TGFBR2: variants seen among roughly 807,000 people sequenced by gnomAD.
TGFBR2 encodes the protein transforming growth factor beta receptor 2.
A neutral mutation model predicts 49.0 loss-of-function variants in TGFBR2; 18 were observed. That is an observed-to-expected ratio of 0.37 (90% CI 0.25 to 0.54). The LOEUF (loss-of-function observed/expected upper bound fraction) is 0.54, where lower values mean the gene tolerates loss of function less well. Ranked by LOEUF, TGFBR2 falls within the 20% of genes least tolerant of loss-of-function variation. The pLI, the probability that TGFBR2 is intolerant of heterozygous loss-of-function variation, is 0.85. For missense variants in TGFBR2, 525 were observed against 722.6 expected (o/e 0.73, Z 3.13); for synonymous variants, 282 against 275.9 (o/e 1.02, Z -0.22).
At chr3:30,637,363 C>G (rs1015478502) in intron 1 of TGFBR2, among the ~76,000 whole-genome samples, 2 of 152,182 alleles carry the variant, frequency 1.3e-5, no homozygotes, top group African/African-American at 2.4e-5. Context: ...CCTGTGACCT[C>G]CAAGTGAGGG....
chr3:30,619,963 G>A (rs986045177), intron 1 of TGFBR2, among the ~76,000 whole-genome samples: 19 of 57,988 alleles, frequency 3.3e-4, no homozygotes, highest in South Asian at 2.6e-3. Context: ...CGAGGCGGGC[G>A]GATCACGAAG....
intron 5 of TGFBR2, among the ~76,000 whole-genome samples, chr3:30,685,295 T>A (rs1699601627): frequency 6.6e-6 from 1 of 152,206 alleles, no homozygotes; most frequent in South Asian, 2.1e-4. Context: ...TAATTTCACC[T>A]TCACAAGAAG....
chr3:30,671,810 C>T lies in TGFBR2; in HGVS notation c.627C>T (p.Leu209=). 1 of 1,614,202 alleles carries T rather than the reference C, an allele frequency of 6.2e-7. No homozygotes were observed. The highest frequency in any genetic ancestry group is 8.5e-7 in the Non-Finnish European group (1 of 1,180,040). The change falls in exon 4 of 7, where the codon CTC becomes CTT. Residue 209 remains leucine, a synonymous_variant. Coordinates refer to ENST00000295754, the MANE Select transcript of TGFBR2 (RefSeq NM_003242.6). ...GGGAAACCGGCAAGACGCGGAAGCT[C>T]ATGGAGTTCAGCGAGCACTGTGCCA... is the stretch of plus-strand genomic sequence containing the variant. ...STWETGKTRK[L]MEFSEHCAII... is the part of the protein sequence containing the mutation.
intron 2 of TGFBR2, among the ~76,000 whole-genome samples, chr3:30,647,259 A>G (rs543914171): frequency 1.5e-4 from 23 of 152,312 alleles, no homozygotes; most frequent in Non-Finnish European, 3.1e-4. Context: ...TTTTGCCATA[A>G]TGTGGTACAT....
At chr3:30,671,607 T>G (rs1428920665) in intron 3 of TGFBR2, 31 bp from the exon 4 acceptor site, 2 of 1,612,886 alleles carry the variant, frequency 1.2e-6, no homozygotes, top group African/African-American at 1.3e-5. Flanking sequence ...CACATCCAAC[T>G]CCTTCTCTCC....
chr3:30,616,038 C>T (rs1179776817), intron 1 of TGFBR2, among the ~76,000 whole-genome samples: 1 of 152,136 alleles, frequency 6.6e-6, no homozygotes, highest in Admixed American at 6.6e-5. Flanking sequence ...CCACTGCACC[C>T]GGCCTGTATG....
chr3:30,613,968 A>AT (rs1698082255), intron 1 of TGFBR2, among the ~76,000 whole-genome samples: 1 of 152,116 alleles, frequency 6.6e-6, no homozygotes, highest in Admixed American at 6.6e-5. Context: ...TAATTGTACC[A>AT]TTTTTTCCCT....
intron 1 of TGFBR2, among the ~76,000 whole-genome samples, chr3:30,637,791 A>C (rs890481136): frequency 6.6e-6 from 1 of 152,210 alleles, no homozygotes; most frequent in Non-Finnish European, 1.5e-5. Context: ...TTAAAAAAAA[A>C]ACCTGTTTGT....
In TGFBR2 at chr3:30,676,097, G is replaced by A. The variant is rs1384835338; in HGVS notation, c.1396+1851G>A. Among the ~76,000 whole-genome samples, 2 of 152,170 alleles carry A rather than the reference G, an allele frequency of 1.3e-5. No homozygotes were observed. The highest frequency in any genetic ancestry group is 1.5e-5 in the Non-Finnish European group (1 of 68,032). ...TAATGTTTTCTCATGATTAGATTGA[G>A]ATTACATATTTTGGGCAAAATTACC... On this transcript the variant is annotated intron_variant, in intron 5 of 6. Coordinates refer to ENST00000295754, the MANE Select transcript of TGFBR2 (RefSeq NM_003242.6). This position sits in a 1 kb window ranked among gnomAD's most constrained non-coding sequence, Gnocchi z 4.3.
chr3:30,628,642 G>C (rs959986258), intron 1 of TGFBR2, among the ~76,000 whole-genome samples: 2 of 144,138 alleles, frequency 1.4e-5, no homozygotes, highest in Admixed American at 7.4e-5. Context: ...TTAGGTTTCA[G>C]TCATTGAAAT....
rs1381757819 is a variant in TGFBR2 at position 30,671,912 on chromosome 3, C to T, written c.729C>T (p.Pro243=). 2 of 1,614,072 alleles carry T rather than the reference C, an allele frequency of 1.2e-6. No homozygotes were observed. Among genetic ancestry groups the T allele is most frequent in the Admixed American group, 1.7e-5 (1 of 60,014 alleles). The change falls in exon 4 of 7, where the codon CCC becomes CCT. Residue 243 remains proline, a synonymous_variant. Transcript: ENST00000295754. Reference sequence around the variant, plus strand: ...TCAACCACAACACAGAGCTGCTGCCCATTGAGCTGGACACCCTGGTGGGGA... The same window carrying T: ...TCAACCACAACACAGAGCTGCTGCCTATTGAGCTGGACACCCTGGTGGGGA... ...NNINHNTELL[P]IELDTLVGKG... is the part of the protein sequence containing the mutation.
In TGFBR2 at chr3:30,672,083, G is replaced by A. The variant is rs2125434971; in HGVS notation, c.900G>A (p.Lys300=). 3 of 1,614,232 alleles carry A rather than the reference G, an allele frequency of 1.9e-6. No individual in the cohort carries two copies. Among genetic ancestry groups the A allele is most frequent in the African/African-American group, 1.3e-5 (1 of 75,070 alleles). The change falls in exon 4 of 7, where the codon AAG becomes AAA. Residue 300 remains lysine (K), a synonymous_variant. Coordinates refer to ENST00000295754, the MANE Select transcript of TGFBR2 (RefSeq NM_003242.6). The surrounding 1 kb of genome is among the most constrained non-coding windows in gnomAD (Gnocchi z 4.5). ...ACATCTTCTCAGACATCAATCTGAAGCATGAGAACATACTCCAGTTCCTGA... is the reference window on the plus strand; with the variant it reads ...ACATCTTCTCAGACATCAATCTGAAACATGAGAACATACTCCAGTTCCTGA... ...EKDIFSDINL[K]HENILQFLTA... is the part of the protein sequence containing the mutation.
At chr3:30,627,767 G>T (rs1184610657) in intron 1 of TGFBR2, among the ~76,000 whole-genome samples, 2 of 151,896 alleles carry the variant, frequency 1.3e-5, no homozygotes, top group African/African-American at 2.4e-5. Context: ...AACGTAGCAG[G>T]TGCAAATAAG....
At chr3:30,678,383 T>TA in intron 5 of TGFBR2, among the ~76,000 whole-genome samples, 1 of 151,686 alleles carries the variant, frequency 6.6e-6, no homozygotes, top group Middle Eastern at 3.2e-3. Context: ...CCGTCTCTAC[T>TA]AAAAATACAA....
At chr3:30,606,499 C>G (rs1050373912), upstream of TGFBR2, 1 of 250,070 alleles carries the variant, frequency 4.0e-6, no homozygotes, top group Non-Finnish European at 7.8e-6. Context: ...GGCTGGACGT[C>G]GAGGAGAGGG....
intron 2 of TGFBR2, 60 bp downstream of exon 2, chr3:30,644,975 A>G: frequency 1.4e-6 from 2 of 1,460,290 alleles, no homozygotes; most frequent in African/African-American, 1.4e-5. Flanking sequence ...ATGTATTCTC[A>G]TAGTACACAC....
At chr3:30,681,245 C>T (rs1004752410) in intron 5 of TGFBR2, among the ~76,000 whole-genome samples, 4 of 150,628 alleles carry the variant, frequency 2.7e-5, no homozygotes, top group Admixed American at 2.0e-4. Context: ...AAAAAGGAGG[C>T]GTTGGAGAGA....
Position 30,624,382 on chromosome 3 carries a change from C to G in TGFBR2, c.94+17405C>G, listed in dbSNP as rs544722094. ...CCTGTAATCCCGGATCTTTGGGAGG[C>G]CGAGGAGGGCAGATCACGAGGTTAA... On this transcript the variant is annotated intron_variant, in intron 1 of 6. Transcript: ENST00000295754. 2.7e-4 allele frequency among the ~76,000 whole-genome samples: 41 copies of G among 151,996 alleles called. No individual in the cohort carries two copies. The South Asian group carries it at 8.3e-3, about 31-fold the overall frequency.
intron 5 of TGFBR2, among the ~76,000 whole-genome samples, chr3:30,684,991 G>T (rs571096232): frequency 6.6e-6 from 1 of 152,136 alleles, no homozygotes; most frequent in Non-Finnish European, 1.5e-5. Flanking sequence ...TTGGCTCTGC[G>T]TTTATAGTCT....
Sources: gnomAD v4.1 joint callset for allele counts (sites outside exome capture counted in the v4.1 genomes callset) on GRCh38, gnomAD v4.1.1 for gene constraint, Gnocchi (gnomAD v3.1) non-coding constraint, MANE v1.5 for transcripts, NCBI Gene and HGNC (gene_info 2026-07-23, HGNC 2026-07-21) for gene names.